Variants in PEX5L observed in about 807,000 individuals in gnomAD.
PEX5L encodes peroxisomal biogenesis factor 5 like.
A neutral mutation model predicts 84.0 loss-of-function variants in PEX5L; 30 were observed. The observed-to-expected ratio is 0.36, with a 90% confidence interval of 0.27 to 0.48. PEX5L has a LOEUF of 0.48. Among genes scored for constraint, PEX5L ranks in the 20% least tolerant of loss-of-function variants. PEX5L has a pLI of 0.99. For synonymous variants in PEX5L, 270 were observed against 283.1 expected (o/e 0.95, Z 0.46); for missense variants, 533 against 754.6 (o/e 0.71, Z 3.44).
At chr3:179,944,599 T>C (rs1777028032) in intron 2 of PEX5L, among the ~76,000 whole-genome samples, 1 of 152,224 alleles carries the variant, frequency 6.6e-6, no homozygotes, top group Non-Finnish European at 1.5e-5. Context: ...TAAATGTCTT[T>C]TTTGAAAAAC....
intron 8 of PEX5L, among the ~76,000 whole-genome samples, chr3:179,834,361 T>G (rs147981445): frequency 2.9e-4 from 44 of 152,350 alleles, no homozygotes; most frequent in African/African-American, 1.1e-3. Context: ...AAACTGCAGT[T>G]GGATATTCCC....
Position 180,036,819 on chromosome 3 carries a change from G to A in PEX5L, c.-220C>T. On this transcript the variant is annotated 5_prime_UTR_variant, in exon 1 of 15. Coordinates refer to ENST00000467460, the MANE Select transcript of PEX5L (RefSeq NM_016559.3). ...GCTCGGGGTGCTGAAAGCGGACGCG[G>A]GAGAGCGCGCAGAGAAGGCGAGGAG... The A allele has an allele frequency of 1.7e-6, 1 of 576,180 alleles. No homozygotes were observed. The highest frequency in any genetic ancestry group is 3.1e-6 in the Non-Finnish European group (1 of 318,876). 35.7% of individuals were successfully genotyped at this position (576,180 alleles called of 1,614,324 possible).
intron 7 of PEX5L, among the ~76,000 whole-genome samples, chr3:179,863,645 C>A (rs2108582012): frequency 6.6e-6 from 1 of 152,186 alleles, no homozygotes; most frequent in Admixed American, 6.6e-5. Flanking sequence ...CACCTCACAC[C>A]TATTAGGATG....
chr3:179,821,908 C>T (rs1204955886), intron 8 of PEX5L, among the ~76,000 whole-genome samples: 3 of 152,160 alleles, frequency 2.0e-5, no homozygotes, highest in Non-Finnish European at 4.4e-5. Context: ...CCTCTTCATA[C>T]TTTTCCTACT....
intron 8 of PEX5L, among the ~76,000 whole-genome samples, chr3:179,832,516 C>T (rs1400887773): frequency 6.6e-6 from 1 of 151,432 alleles, no homozygotes; most frequent in African/African-American, 2.4e-5. Flanking sequence ...CCTCACCTAC[C>T]CACCTACCCA....
chr3:179,864,865 G>A (rs1747562683), intron 7 of PEX5L, among the ~76,000 whole-genome samples: 1 of 152,160 alleles, frequency 6.6e-6, no homozygotes, highest in African/African-American at 2.4e-5. Flanking sequence ...TTTATATAAT[G>A]TCATGAATGA....
At chr3:179,987,054 T>C (rs1786920119) in intron 1 of PEX5L, among the ~76,000 whole-genome samples, 1 of 152,190 alleles carries the variant, frequency 6.6e-6, no homozygotes, top group African/African-American at 2.4e-5. Flanking sequence ...TGTATGGCTT[T>C]GAGCAAATTG....
chr3:179,940,061 G>T (rs192578081), intron 2 of PEX5L, among the ~76,000 whole-genome samples: 19 of 152,244 alleles, frequency 1.2e-4, no homozygotes, highest in African/African-American at 4.3e-4. Context: ...TTTTTTACCA[G>T]AATTTCAGGA....
At chr3:179,829,605 G>A (rs1731867498) in intron 8 of PEX5L, among the ~76,000 whole-genome samples, 3 of 152,098 alleles carry the variant, frequency 2.0e-5, no homozygotes, top group South Asian at 2.1e-4. Context: ...GTGCCCACCC[G>A]GGGGCGGCAT....
At chr3:179,844,517 A>G (rs948986518) in intron 8 of PEX5L, among the ~76,000 whole-genome samples, 2 of 152,222 alleles carry the variant, frequency 1.3e-5, no homozygotes, top group Non-Finnish European at 2.9e-5. Flanking sequence ...GTCATAGACA[A>G]GGAAGCGGTT....
At chr3:179,908,126 A>G (rs1264198620) in intron 2 of PEX5L, among the ~76,000 whole-genome samples, 1 of 152,200 alleles carries the variant, frequency 6.6e-6, no homozygotes, top group Non-Finnish European at 1.5e-5. Flanking sequence ...CTGCTTATCC[A>G]CATTTCTCTG....
rs1249961273 is a variant in PEX5L, at chr3:179,830,075, G to A, written c.823-10099C>T. Reference sequence around the variant, plus strand: ...GCCTCCCAAAGTGCTGGGATTACAGGCTTGAGCCACCGCCCGGCCTTAAAC... The same window carrying A: ...GCCTCCCAAAGTGCTGGGATTACAGACTTGAGCCACCGCCCGGCCTTAAAC... On this transcript the variant is annotated intron_variant, in intron 8 of 14. Coordinates refer to ENST00000467460, the MANE Select transcript of PEX5L (RefSeq NM_016559.3). 2.6e-5 allele frequency among the ~76,000 whole-genome samples: 4 copies of A among 151,230 alleles called. No individual in the cohort carries two copies. The East Asian group carries it at 7.8e-4, about 29-fold the overall frequency.
At chr3:179,898,388 G>A in intron 2 of PEX5L, 142 bp from the exon 3 acceptor site, 1 of 520,322 alleles carries the variant, frequency 1.9e-6, no homozygotes. Context: ...GCTTTTGGCT[G>A]AGGAGAAAAC....
In PEX5L at chr3:179,966,073, A is replaced by C. The variant is rs374984056; in HGVS notation, c.93+5521T>G. 2.0e-5 allele frequency among the ~76,000 whole-genome samples: 3 copies of C among 152,326 alleles called. No homozygotes were observed. In the South Asian group the frequency reaches 6.2e-4, roughly 32 times the overall value. ...AATTTGAATAGTCTCTCTCATTCCA[A>C]ATAAATCTGGCTTCTTTTCATTCAA... is the stretch of plus-strand genomic sequence containing the variant. On this transcript the variant is annotated intron_variant, in intron 2 of 14. Coordinates refer to ENST00000467460, the MANE Select transcript of PEX5L (RefSeq NM_016559.3).
chr3:179,824,878 C>T (rs1729836584), intron 8 of PEX5L, among the ~76,000 whole-genome samples: 1 of 152,122 alleles, frequency 6.6e-6, no homozygotes, highest in African/African-American at 2.4e-5. Context: ...CCAGGCTGGC[C>T]AACGGTAACT....
chr3:179,981,214 G>A lies in PEX5L; in HGVS notation c.22-9549C>T, dbSNP rs146693650. Among the ~76,000 whole-genome samples the A allele has an allele frequency of 2.1e-3, 318 of 152,242 alleles. 1 individual carries two copies. Among genetic ancestry groups the A allele is most frequent in the African/African-American group, 7.2e-3 (299 of 41,550 alleles). On this transcript the variant is annotated intron_variant, in intron 1 of 14. Transcript: ENST00000467460. ...GTGGGGGTTGATCCAGACGAGGCTG[G>A]AGAGGAAGGCCAAGTCTTGAAAATC...
chr3:180,030,553 C>T (rs1163470673), intron 1 of PEX5L, among the ~76,000 whole-genome samples: 1 of 152,164 alleles, frequency 6.6e-6, no homozygotes, highest in African/African-American at 2.4e-5. Context: ...CCAATATCCC[C>T]AGTTCTTTCA....
intron 1 of PEX5L, among the ~76,000 whole-genome samples, chr3:179,995,360 G>T (rs1297344641): frequency 3.5e-5 from 5 of 141,082 alleles, no homozygotes; most frequent in East Asian, 2.0e-4. Flanking sequence ...GGGGTTCTTT[G>T]GTTGGTTTTG....
In PEX5L at chr3:179,806,306, C is replaced by G. The variant is rs111296987; in HGVS notation, c.1676+1368G>C. Among the ~76,000 whole-genome samples, 126 of 152,244 alleles carry G rather than the reference C, an allele frequency of 8.3e-4. 1 individual carries two copies. Among genetic ancestry groups the G allele is most frequent in the African/African-American group, 2.6e-3 (108 of 41,554 alleles). On this transcript the variant is annotated intron_variant, in intron 14 of 14. Coordinates refer to ENST00000467460, the MANE Select transcript of PEX5L (RefSeq NM_016559.3). ...ACAGCTGATGTGTAGGGGGGTGGCA[C>G]AGAGTCAGCTCTGGGCTTTTGCACA...
Sources: allele counts gnomAD v4.1 joint callset (sites outside exome capture counted in the v4.1 genomes callset), GRCh38; gene constraint gnomAD v4.1.1; transcripts MANE v1.5; gene names NCBI Gene and HGNC (gene_info 2026-07-23, HGNC 2026-07-21).